Variants in ASAP1 observed in about 807,000 individuals in gnomAD.
ASAP1 encodes the protein arf-GAP with SH3 domain, ANK repeat and PH domain-containing protein 1.
A neutral mutation model predicts 145.2 loss-of-function variants in ASAP1; 43 were observed. That is an observed-to-expected ratio of 0.30 (90% confidence interval 0.23 to 0.38). The LOEUF is 0.38. Ranked by LOEUF, ASAP1 falls within the 10% of genes least tolerant of loss-of-function variation. The pLI is 1.00. For synonymous variants in ASAP1, 546 were observed against 515.5 expected, an observed-to-expected ratio of 1.06 and a Z score of -0.80; for missense variants, 1,018 against 1,355.3, an observed-to-expected ratio of 0.75 and a Z score of 3.91.
At chr8:130,341,131 G>A (rs560524658) in intron 3 of ASAP1, among the ~76,000 whole-genome samples, 2 of 151,962 alleles carry the variant, frequency 1.3e-5, no homozygotes, top group African/African-American at 4.8e-5. Flanking sequence ...TACAGCAGAA[G>A]GTAAAGTCGA....
intron 3 of ASAP1, among the ~76,000 whole-genome samples, chr8:130,306,221 A>T (rs1453430031): frequency 6.6e-6 from 1 of 152,238 alleles, no homozygotes; most frequent in African/African-American, 2.4e-5. Context: ...TTGATACTGC[A>T]GGCAATCTAG....
intron 27 of ASAP1, among the ~76,000 whole-genome samples, chr8:130,071,011 G>GGGGAGA (rs2097444917): frequency 3.5e-4 from 4 of 11,438 alleles, no homozygotes; most frequent in Admixed American, 1.6e-3. Flanking sequence ...GGGGAGGGGG[G>GGGGAGA]GAGAGAGAGA....
intron 27 of ASAP1, among the ~76,000 whole-genome samples, chr8:130,061,397 A>C (rs1345329782): frequency 6.6e-6 from 1 of 152,244 alleles, no homozygotes; most frequent in Non-Finnish European, 1.5e-5. Flanking sequence ...GTAGCCATTT[A>C]AAATTCTTTT....
rs1225384368 is a variant in ASAP1, at chr8:130,118,326, A to G, written c.1795-80T>C. On this transcript the variant is annotated intron_variant, in intron 19 of 29. Coordinates refer to ENST00000518721, the MANE Select transcript of ASAP1 (RefSeq NM_018482.4). ...GCTTCATATATATCAGTTGCCCCCA[A>G]GTAATTATAAGGAGCACACCTCTTC... The G allele has an allele frequency of 1.5e-5, 22 of 1,429,868 alleles. No homozygotes were observed. In the East Asian group the frequency reaches 4.2e-4, roughly 27 times the overall value. 88.6% of individuals were successfully genotyped at this position (1,429,868 alleles called of 1,614,324 possible). A position where few individuals can be genotyped will look rare whatever the true frequency, so the allele number is the denominator to read the frequency against.
At chr8:130,294,490 G>A (rs1021850781) in intron 3 of ASAP1, among the ~76,000 whole-genome samples, 16 of 152,220 alleles carry the variant, frequency 1.1e-4, no homozygotes, top group Non-Finnish European at 2.4e-4. Flanking sequence ...TACATGTCCA[G>A]CTGCACAGTG....
At chr8:130,118,350 T>C in intron 19 of ASAP1, 104 bp from the exon 20 acceptor site, 1 of 1,327,702 alleles carries the variant, frequency 7.5e-7, no homozygotes, top group East Asian at 2.4e-5. Flanking sequence ...GCACACCTCT[T>C]CACTCTCATA....
chr8:130,176,483 C>T (rs542236742), intron 9 of ASAP1, among the ~76,000 whole-genome samples: 1 of 152,230 alleles, frequency 6.6e-6, no homozygotes, highest in Admixed American at 6.5e-5. Flanking sequence ...CTTGATGTCT[C>T]AGAACATCTC....
At chr8:130,277,056 C>T (rs536763551) in intron 3 of ASAP1, among the ~76,000 whole-genome samples, 1 of 152,264 alleles carries the variant, frequency 6.6e-6, no homozygotes, top group African/African-American at 2.4e-5. Context: ...CACCCGTCCA[C>T]ATCAGAATCA....
intron 2 of ASAP1, among the ~76,000 whole-genome samples, chr8:130,363,289 G>A (rs1586912970): frequency 1.3e-5 from 2 of 152,210 alleles, no homozygotes; most frequent in South Asian, 4.1e-4. Flanking sequence ...TACTTGGGAG[G>A]CTGAGGTGGG....
At position 130,301,579 on chromosome 8, in the gene ASAP1, T is replaced by C. The variant is rs576629810; in HGVS notation, c.186+56438A>G. Among the ~76,000 whole-genome samples, 7 of 152,340 alleles carry C rather than the reference T, an allele frequency of 4.6e-5. No homozygotes were observed. In the South Asian group the frequency reaches 1.5e-3, roughly 32 times the overall value. ...GTGTTTTTTTCTTGCTCTATTTCTT[T>C]ATATATTGATTAAATATAAATCACA... On this transcript the variant is annotated intron_variant, in intron 3 of 29. Transcript: ENST00000518721.
chr8:130,114,266 C>G (rs2097551262), intron 23 of ASAP1, among the ~76,000 whole-genome samples: 1 of 152,192 alleles, frequency 6.6e-6, no homozygotes, highest in African/African-American at 2.4e-5. Flanking sequence ...TACTACACAC[C>G]TAGGCTATAT....
chr8:130,083,596 C>T (rs1431036839), intron 25 of ASAP1: 1 of 152,120 alleles, frequency 6.6e-6, no homozygotes, highest in Non-Finnish European at 1.5e-5. Context: ...GTACCTACTA[C>T]CCTAGATGGG....
chr8:130,350,943 C>G (rs1290542214), intron 3 of ASAP1, among the ~76,000 whole-genome samples: 1 of 152,158 alleles, frequency 6.6e-6, no homozygotes, highest in East Asian at 1.9e-4. Context: ...ACTAAGCATG[C>G]CAGGGTGGAG....
intron 15 of ASAP1, among the ~76,000 whole-genome samples, chr8:130,131,174 A>C (rs1421545458): frequency 6.6e-6 from 1 of 151,930 alleles, no homozygotes; most frequent in Non-Finnish European, 1.5e-5. Flanking sequence ...ACAAACAAAC[A>C]AACAAACAAA....
rs374304784 is a variant in ASAP1 at position 130,164,982 on chromosome 8, C to T, written c.909+2554G>A. Among the ~76,000 whole-genome samples, 15 of 152,170 alleles carry T rather than the reference C, an allele frequency of 9.9e-5. No individual in the cohort carries two copies. In the East Asian group the frequency reaches 1.7e-3, roughly 18 times the overall value. On this transcript the variant is annotated intron_variant, in intron 11 of 29. Transcript: ENST00000518721. ...AAAATCACTATCTTCTAAACATATT[C>T]TGCAATGAGTGATGATAAACAGCAT...
intron 23 of ASAP1, among the ~76,000 whole-genome samples, chr8:130,113,909 G>A (rs1164447201): frequency 1.3e-5 from 2 of 151,944 alleles, no homozygotes; most frequent in Non-Finnish European, 2.9e-5. Flanking sequence ...TGCCTCCCGG[G>A]CAGCTGGGAC....
At position 130,112,156 on chromosome 8, in the gene ASAP1, G is replaced by A. The variant is rs1008935112; in HGVS notation, c.2339C>T (p.Thr780Ile). 1.2e-6 allele frequency: 2 copies of A among 1,614,034 alleles called. No individual in the cohort carries two copies. The highest frequency in any genetic ancestry group is 2.7e-5 in the African/African-American group (2 of 74,918). The change falls in exon 24 of 30, where the codon ACA becomes ATA. Residue 780 changes from threonine to isoleucine, a missense_variant. Thr to Ile is a moderately conservative substitution (Grantham distance 89). Coordinates refer to ENST00000518721, the MANE Select transcript of ASAP1 (RefSeq NM_018482.4). ...FTNQIFVSTS[T>I]DSPTSPTTEA... is the part of the protein sequence containing the mutation. ...CGTGGTTGGTGATGTGGGCGAGTCT[G>A]TGCTTGTGGAAACGAAGATCTGGTT...
chr8:130,186,573 A>G (rs1442887061), intron 7 of ASAP1, among the ~76,000 whole-genome samples: 1 of 152,116 alleles, frequency 6.6e-6, no homozygotes, highest in African/African-American at 2.4e-5. Context: ...GCACCCTGCA[A>G]AGTGCTTATT....
At chr8:130,409,642 C>T (rs1829180663) in intron 1 of ASAP1, among the ~76,000 whole-genome samples, 3 of 152,204 alleles carry the variant, frequency 2.0e-5, no homozygotes. Flanking sequence ...CTGAGGTATT[C>T]TCCCTGACAA....
Sources: allele counts gnomAD v4.1 joint callset (sites outside exome capture counted in the v4.1 genomes callset), GRCh38; gene constraint gnomAD v4.1.1; transcripts MANE v1.5; gene names NCBI Gene and HGNC (gene_info 2026-07-23, HGNC 2026-07-21).